Variants in RIMS2 observed in about 807,000 individuals in gnomAD.
RIMS2 encodes regulating synaptic membrane exocytosis protein 2.
RIMS2 carries 59 observed loss-of-function variants against 174.4 expected under a neutral mutation model. That is an observed-to-expected ratio of 0.34 (90% confidence interval 0.27 to 0.42). The LOEUF is 0.42. Ranked by LOEUF, RIMS2 falls within the 10% of genes least tolerant of loss-of-function variation. The pLI is 1.00. For missense variants in RIMS2, 1,620 were observed against 1,666.3 expected (o/e 0.97, Z 0.48); for synonymous variants, 606 against 572.5 (o/e 1.06, Z -0.84).
chr8:103,974,551 T>C (rs1049259817), intron 15 of RIMS2, among the ~76,000 whole-genome samples: 2 of 152,240 alleles, frequency 1.3e-5, no homozygotes, highest in Admixed American at 1.3e-4. Flanking sequence ...CCTACCAACT[T>C]AGAAGTCCTT....
chr8:104,080,423 T>G (rs913253232), intron 19 of RIMS2, among the ~76,000 whole-genome samples: 4 of 152,058 alleles, frequency 2.6e-5, no homozygotes, highest in African/African-American at 9.6e-5. Flanking sequence ...GATTGAGTAG[T>G]CTGATCAGTG....
chr8:103,816,445 A>G (rs2098719127), intron 3 of RIMS2, among the ~76,000 whole-genome samples: 1 of 152,230 alleles, frequency 6.6e-6, no homozygotes, highest in African/African-American at 2.4e-5. Flanking sequence ...TGAGACAAGA[A>G]TGCAGGACTT....
chr8:103,787,193 A>G (rs1270499023), intron 3 of RIMS2, among the ~76,000 whole-genome samples: 22 of 149,190 alleles, frequency 1.5e-4, no homozygotes, highest in African/African-American at 5.4e-4. Context: ...TTTCCTGAAT[A>G]CAGCACACTG....
chr8:103,773,069 A>T (rs185835025), intron 3 of RIMS2, among the ~76,000 whole-genome samples: 1 of 152,266 alleles, frequency 6.6e-6, no homozygotes, highest in Admixed American at 6.5e-5. Flanking sequence ...GAACTAGAGG[A>T]TAACTTCTTC....
chr8:103,685,794 AT>A (rs1157360991), intron 1 of RIMS2, among the ~76,000 whole-genome samples: 16 of 152,134 alleles, frequency 1.1e-4, no homozygotes, highest in African/African-American at 3.9e-4. Context: ...TTTAAAAAAT[AT>A]TTTTGTTTAT....
chr8:104,037,253 TC>T (rs1207507556), intron 19 of RIMS2, among the ~76,000 whole-genome samples: 2 of 152,142 alleles, frequency 1.3e-5, no homozygotes, highest in African/African-American at 4.8e-5. Flanking sequence ...TATCTCTCCT[TC>T]CCCCAAAGGA....
intron 19 of RIMS2, among the ~76,000 whole-genome samples, chr8:104,231,963 C>A (rs571358872): frequency 6.6e-6 from 1 of 152,326 alleles, no homozygotes; most frequent in Non-Finnish European, 1.5e-5. Flanking sequence ...ACATTTCTCT[C>A]ATTCACAGAA....
intron 1 of RIMS2, among the ~76,000 whole-genome samples, chr8:103,598,388 T>A (rs1256482972): frequency 6.6e-6 from 1 of 152,218 alleles, no homozygotes; most frequent in African/African-American, 2.4e-5. Flanking sequence ...GAGACTAAGA[T>A]GAATGCATTG....
intron 1 of RIMS2, among the ~76,000 whole-genome samples, chr8:103,551,061 C>T (rs565325123): frequency 4.6e-4 from 70 of 152,254 alleles, no homozygotes; most frequent in African/African-American, 1.6e-3. Context: ...CTATTCCAAT[C>T]AATAGAAGAA....
chr8:103,505,512 TA>T (rs1034748695), intron 1 of RIMS2, among the ~76,000 whole-genome samples: 1 of 152,194 alleles, frequency 6.6e-6, no homozygotes, highest in African/African-American at 2.4e-5. Flanking sequence ...AGTTTTTTTC[TA>T]AGTATTTTGT....
At chr8:103,623,564 A>C (rs1308757198) in intron 1 of RIMS2, among the ~76,000 whole-genome samples, 4 of 134,886 alleles carry the variant, frequency 3.0e-5, no homozygotes, top group African/African-American at 1.1e-4. Context: ...GGCTCACTGC[A>C]AGCTCCGCCT....
intron 19 of RIMS2, chr8:104,094,458 A>T: frequency 1.7e-6 from 1 of 591,072 alleles, no homozygotes. Flanking sequence ...CATGCCTTCA[A>T]TTTCTGTTGC....
intron 19 of RIMS2, 119 bp downstream of exon 25, chr8:104,148,967 A>G: frequency 3.8e-6 from 4 of 1,056,278 alleles, no homozygotes; most frequent in Non-Finnish European, 5.5e-6. Flanking sequence ...CCAGAGGGAA[A>G]GGGCATTTTA....
chr8:104,111,609 T>C (rs1409101790), intron 19 of RIMS2, among the ~76,000 whole-genome samples: 1 of 152,168 alleles, frequency 6.6e-6, no homozygotes, highest in Non-Finnish European at 1.5e-5. Flanking sequence ...GGTTTCACCG[T>C]GTTGGCCAGG....
chr8:103,956,371 C>G (rs2087215814), intron 14 of RIMS2, among the ~76,000 whole-genome samples: 1 of 152,138 alleles, frequency 6.6e-6, no homozygotes, highest in African/African-American at 2.4e-5. Context: ...CTACAGTAAC[C>G]AAAAGAGCAT....
intron 6 of RIMS2, among the ~76,000 whole-genome samples, chr8:103,912,922 G>A (rs1402094605): frequency 6.7e-6 from 1 of 150,206 alleles, no homozygotes; most frequent in Non-Finnish European, 1.5e-5. Flanking sequence ...GTTTGAGACC[G>A]ACCTAGACAA....
At chr8:103,614,253 T>G (rs2134324696) in intron 1 of RIMS2, among the ~76,000 whole-genome samples, 1 of 152,372 alleles carries the variant, frequency 6.6e-6, no homozygotes, top group African/African-American at 2.4e-5. Context: ...GTCTGGTCCG[T>G]TTGCTCTCTC....
intron 15 of RIMS2, among the ~76,000 whole-genome samples, chr8:103,967,851 CTTT>C (rs1183741701): frequency 2.7e-5 from 3 of 109,558 alleles, no homozygotes; most frequent in African/African-American, 1.1e-4. Context: ...CCTACTCCTG[CTTT>C]TTTTTTTTTT....
chr8:103,617,927 A>G (rs1280185487), intron 1 of RIMS2, among the ~76,000 whole-genome samples: 1 of 152,186 alleles, frequency 6.6e-6, no homozygotes, highest in Non-Finnish European at 1.5e-5. Flanking sequence ...TGGTTCAACC[A>G]TTGTGGAAAG....
Sources: allele counts gnomAD v4.1 joint callset (sites outside exome capture counted in the v4.1 genomes callset), GRCh38; gene constraint gnomAD v4.1.1; transcripts MANE v1.5; gene names NCBI Gene and HGNC (gene_info 2026-07-23, HGNC 2026-07-21).